CHLSN: variants seen among roughly 807,000 people sequenced by gnomAD.
CHLSN encodes cholesin, also known as protein cholesin.
At chr7:986,633 G>A in the CHLSN span, 95 of 1,612,534 alleles carry the variant, frequency 5.9e-5, no homozygotes, top group African/African-American at 8.0e-5. Context: ...GCTGTTCAAC[G>A]TCTACCCATG....
the CHLSN span, among the ~76,000 whole-genome samples, chr7:1,016,932 G>C: frequency 1.3e-5 from 1 of 76,702 alleles, no homozygotes; most frequent in Non-Finnish European, 3.0e-5. Flanking sequence ...GCACACAGCA[G>C]CACACGCCAG....
the CHLSN span, among the ~76,000 whole-genome samples, chr7:1,135,317 G>GTGTA: frequency 6.6e-6 from 1 of 151,768 alleles, no homozygotes; most frequent in East Asian, 1.9e-4. Context: ...ACTCAACTGT[G>GTGTA]TATATATATA....
At chr7:1,093,896 C>T in the CHLSN span, 1 of 334,808 alleles carries the variant, frequency 3.0e-6, no homozygotes, top group South Asian at 2.4e-5. Flanking sequence ...TCCCTCCCCC[C>T]TCACAGAAAA....
the CHLSN span, among the ~76,000 whole-genome samples, chr7:1,038,822 G>C: frequency 3.9e-5 from 2 of 51,292 alleles, no homozygotes; most frequent in African/African-American, 1.8e-4. Flanking sequence ...CGCCCCGTCC[G>C]GGAGGGAGGT....
chr7:1,006,674 G>T, the CHLSN span, among the ~76,000 whole-genome samples: 18 of 149,560 alleles, frequency 1.2e-4, no homozygotes, highest in African/African-American at 4.4e-4. Context: ...ACAGCGCGGG[G>T]AAAGAGCGCA....
chr7:1,102,169 AC>A, the CHLSN span, among the ~76,000 whole-genome samples: 1 of 152,220 alleles, frequency 6.6e-6, no homozygotes, highest in Non-Finnish European at 1.5e-5. Context: ...AGAAAAACAC[AC>A]AAAAAAACGG....
the CHLSN span, among the ~76,000 whole-genome samples, chr7:980,684 C>CTTTTTT: frequency 1.0e-5 from 1 of 97,044 alleles, no homozygotes; most frequent in African/African-American, 4.0e-5. Flanking sequence ...GTAACAGTTA[C>CTTTTTT]TTTTTTTTTT....
At chr7:1,033,024 G>C in the CHLSN span, among the ~76,000 whole-genome samples, 1 of 152,304 alleles carries the variant, frequency 6.6e-6, no homozygotes, top group East Asian at 1.9e-4. Flanking sequence ...GACAGTCTCG[G>C]CAAGTCCGTT....
At chr7:1,093,683 TTTG>T in the CHLSN span, 7 of 469,580 alleles carry the variant, frequency 1.5e-5, 1 homozygote, top group South Asian at 7.7e-5. Flanking sequence ...GGCTGACGAA[TTTG>T]TTTCTACAGA....
chr7:1,070,343 C>A, the CHLSN span, among the ~76,000 whole-genome samples: 1 of 139,534 alleles, frequency 7.2e-6, no homozygotes, highest in African/African-American at 2.6e-5. Context: ...CCGTGCCGTC[C>A]GGGAGGGAGG....
the CHLSN span, among the ~76,000 whole-genome samples, chr7:1,063,702 G>A: frequency 6.6e-6 from 1 of 152,254 alleles, no homozygotes; most frequent in African/African-American, 2.4e-5. Context: ...CAAGCCAGGG[G>A]AGGATTAAGG....
the CHLSN span, among the ~76,000 whole-genome samples, chr7:1,016,171 A>G: frequency 2.2e-4 from 13 of 59,236 alleles, no homozygotes; most frequent in African/African-American, 1.1e-3. Flanking sequence ...ACACAGCAGC[A>G]CACAGCAGCA....
chr7:1,022,921 T>G, the CHLSN span: 21 of 441,448 alleles, frequency 4.8e-5, no homozygotes, highest in South Asian at 3.3e-4. Context: ...AGCTGGCCAC[T>G]CCATGGTCCC....
the CHLSN span, chr7:1,028,545 T>G: frequency 1.0e-5 from 10 of 984,658 alleles, no homozygotes; most frequent in East Asian, 1.1e-3. Context: ...CCGACGAGGC[T>G]CTCTGGCCGC....
chr7:1,114,626 C>G, the CHLSN span, among the ~76,000 whole-genome samples: 4 of 152,264 alleles, frequency 2.6e-5, no homozygotes, highest in South Asian at 6.2e-4. Flanking sequence ...CCTTCCCCAG[C>G]TGGCCTTTAC....
the CHLSN span, chr7:985,375 C>T: frequency 9.8e-6 from 15 of 1,526,650 alleles, no homozygotes; most frequent in Admixed American, 1.0e-4. Flanking sequence ...GAGTGATGGG[C>T]GTGCAGCAGG....
chr7:1,117,813 A>G, the CHLSN span, among the ~76,000 whole-genome samples: 90,963 of 151,276 alleles, frequency 0.6, 29,106 homozygotes, highest in African/African-American at 0.84. Context: ...TCTACCGACC[A>G]GCTTCCATCA....
At chr7:1,135,974 TATAA>T in the CHLSN span, among the ~76,000 whole-genome samples, 14 of 126,584 alleles carry the variant, frequency 1.1e-4, no homozygotes, top group Admixed American at 1.2e-3. Flanking sequence ...TATAAGTATA[TATAA>T]ATATATAAGC....
chr7:1,075,535 TA>T, the CHLSN span, among the ~76,000 whole-genome samples: 62 of 146,784 alleles, frequency 4.2e-4, no homozygotes, highest in South Asian at 0.012. Flanking sequence ...AAAAAAAAAT[TA>T]AAAAAAAAGG....
Sources: gnomAD v4.1 joint callset for allele counts (sites outside exome capture counted in the v4.1 genomes callset) on GRCh38, gnomAD v4.1.1 for gene constraint, MANE v1.5 for transcripts, NCBI Gene and HGNC (gene_info 2026-07-23, HGNC 2026-07-21) for gene names.